Variants in USH2A observed in about 807,000 individuals in gnomAD.
The protein encoded by USH2A is usherin, also known as Usher syndrome 2A (autosomal recessive, mild).
USH2A carries 443 observed loss-of-function variants against 538.9 expected under a neutral mutation model. That is an observed-to-expected ratio of 0.82 (90% confidence interval 0.76 to 0.89). The LOEUF is 0.89. Ranked by LOEUF, USH2A falls within the 40% of genes least tolerant of loss-of-function variation. USH2A has a pLI of 0.00. For synonymous variants in USH2A, 2,413 were observed against 2,273.5 expected (o/e 1.06, Z -1.75); for missense variants, 6,633 against 6,324.8 (o/e 1.05, Z -1.65).
At position 216,422,073 on chromosome 1, in the gene USH2A, G is replaced by A. The variant is rs368798834; in HGVS notation, c.264C>T (p.Cys88=). Residue 88 remains cysteine, a synonymous_variant, in exon 2 of 72, where the codon TGC becomes TGT. Transcript: ENST00000307340. The part of the protein sequence containing the change: ...FCTQRFCIQD[C]PYRSSHPTYT... ...AGGTAGGGTGTGAAGATCTGTATGGGCAATCCTGAATACAAAACCGCTGGG... is the reference window on the plus strand; with the variant it reads ...AGGTAGGGTGTGAAGATCTGTATGGACAATCCTGAATACAAAACCGCTGGG... 4.3e-6 allele frequency: 7 copies of A among 1,613,638 alleles called. No homozygotes were observed. The highest frequency in any genetic ancestry group is 5.9e-6 in the Non-Finnish European group (7 of 1,179,880).
intron 3 of USH2A, among the ~76,000 whole-genome samples, chr1:216,398,485 C>A (rs1489490336): frequency 6.6e-6 from 1 of 152,010 alleles, no homozygotes; most frequent in African/African-American, 2.4e-5. Context: ...ACCTTTTTAG[C>A]AAAAAGTACC....
chr1:216,386,342 A>C (rs2039003945), intron 3 of USH2A, among the ~76,000 whole-genome samples: 1 of 151,228 alleles, frequency 6.6e-6, no homozygotes, highest in African/African-American at 2.4e-5. Flanking sequence ...CTAAAAATAC[A>C]AAAAATTTGC....
intron 44 of USH2A, 113 bp from the exon 45 acceptor site, chr1:215,846,146 G>T: frequency 9.8e-7 from 1 of 1,016,230 alleles, no homozygotes; most frequent in Non-Finnish European, 1.5e-6. Context: ...GAGAGCCTTT[G>T]TTTTGGAAAT....
chr1:216,051,582 T>A (rs894489105), intron 30 of USH2A, among the ~76,000 whole-genome samples: 1 of 152,214 alleles, frequency 6.6e-6, no homozygotes, highest in African/African-American at 2.4e-5. Flanking sequence ...AGACTTTTAA[T>A]CCTAATGTCA....
At chr1:216,416,109 T>C (rs561962574) in intron 3 of USH2A, among the ~76,000 whole-genome samples, 9 of 152,110 alleles carry the variant, frequency 5.9e-5, no homozygotes, top group Admixed American at 2.6e-4. Flanking sequence ...GAGGTTGCAG[T>C]GAGCCAAGAT....
intron 21 of USH2A, among the ~76,000 whole-genome samples, chr1:216,169,255 A>G (rs1026829974): frequency 7.9e-5 from 12 of 152,172 alleles, no homozygotes; most frequent in African/African-American, 2.9e-4. Context: ...GCTTTAAGTT[A>G]ACTAAAATAC....
chr1:215,938,586 C>T (rs865804387), intron 37 of USH2A, among the ~76,000 whole-genome samples: 2 of 152,104 alleles, frequency 1.3e-5, no homozygotes, highest in African/African-American at 2.4e-5. Flanking sequence ...TGTGTCCTAT[C>T]GCAGGCGACC....
chr1:215,694,751 A>G (rs1051441941), intron 61 of USH2A, among the ~76,000 whole-genome samples: 2 of 152,142 alleles, frequency 1.3e-5, no homozygotes, highest in South Asian at 2.1e-4. Flanking sequence ...TCCTAATAAC[A>G]TCACATTGAG....
At position 215,891,202 on chromosome 1, in the gene USH2A, G is replaced by C. The variant is rs192873665; in HGVS notation, c.7595-2148C>G. 6.4e-4 allele frequency among the ~76,000 whole-genome samples: 98 copies of C among 152,174 alleles called. 1 individual carries two copies. Among genetic ancestry groups the C allele is most frequent in the African/African-American group, 2.2e-3 (93 of 41,522 alleles). On this transcript the variant is annotated intron_variant, in intron 40 of 71. Transcript: ENST00000307340. Reference sequence around the variant, plus strand: ...TTTCTTAAAGATGATCTCTTATCTTGGGAAAGGAGAGGTGTTCAATTTCAA... The same window carrying C: ...TTTCTTAAAGATGATCTCTTATCTTCGGAAAGGAGAGGTGTTCAATTTCAA...
chr1:216,323,572 T>G lies in USH2A; in HGVS notation c.1452A>C (p.Gln484His), dbSNP rs2037661383. ...ACTGCCCATGAAAATGAAACCTTATTTGCGTGGCTTTTACGAACTCTTGAA... is the reference window on the plus strand; with the variant it reads ...ACTGCCCATGAAAATGAAACCTTATGTGCGTGGCTTTTACGAACTCTTGAA... ...PSLQEFVKAT[Q>H]IRFHFHGQYY... The change falls in exon 8 of 72, where the codon CAA becomes CAC. Residue 484 changes from glutamine to histidine, a missense_variant. Gln to His is a conservative substitution (Grantham distance 24, BLOSUM62 0). Coordinates refer to ENST00000307340, the MANE Select transcript of USH2A (RefSeq NM_206933.4). 1 of 1,613,492 alleles carries G rather than the reference T, an allele frequency of 6.2e-7. No homozygotes were observed. Among genetic ancestry groups the G allele is most frequent in the South Asian group, 1.1e-5 (1 of 91,074 alleles).
intron 32 of USH2A, among the ~76,000 whole-genome samples, chr1:216,030,045 G>A (rs11120723): frequency 0.015 from 790 of 53,636 alleles, 1 homozygote; most frequent in East Asian, 0.14. Flanking sequence ...ATAATATATG[G>A]TATATATGAT....
Position 216,293,901 on chromosome 1 carries a change from T to C in USH2A, c.1645-1531A>G, listed in dbSNP as rs561226125. ...CAGAGCCAGCAGCAATGTTTGTTTA[T>C]GTAATTACTCACAGTAATATTCAAT... On this transcript the variant is annotated intron_variant, in intron 9 of 71. Coordinates refer to ENST00000307340, the MANE Select transcript of USH2A (RefSeq NM_206933.4). Among the ~76,000 whole-genome samples, 131 of 152,348 alleles carry C rather than the reference T, an allele frequency of 8.6e-4. 3 individuals carry two copies. The highest frequency in any genetic ancestry group is 2.9e-3 in the African/African-American group (120 of 41,586).
chr1:216,005,128 C>A (rs983089592), intron 32 of USH2A, among the ~76,000 whole-genome samples: 7 of 152,120 alleles, frequency 4.6e-5, no homozygotes, highest in Non-Finnish European at 1.5e-5. Flanking sequence ...ATACACTAGA[C>A]TAGACATTAT....
chr1:215,625,843 C>T lies in USH2A; in HGVS notation c.15547G>A (p.Ala5183Thr), dbSNP rs267598369. The T allele has an allele frequency of 2.9e-5, 47 of 1,613,904 alleles. No homozygotes were observed. Among genetic ancestry groups the T allele is most frequent in the East Asian group, 2.2e-4 (10 of 44,884 alleles). The stretch of plus-strand genomic sequence containing the variant: ...GTCACTGAGCTGAAATCCTTGATGG[C>T]GTTCATCAGGTCCTCTTCATCCACA... ...LYVDEEDLMN[A>T]IKDFSSVTKE... Residue 5183 changes from alanine to threonine, a missense_variant, in exon 72 of 72, where the codon GCC (alanine) becomes ACC (threonine). By Grantham distance (58) the Ala-to-Thr change is moderately conservative. Transcript: ENST00000307340.
At chr1:215,667,278 C>A (rs1257877925) in intron 64 of USH2A, among the ~76,000 whole-genome samples, 1 of 152,096 alleles carries the variant, frequency 6.6e-6, no homozygotes, top group Non-Finnish European at 1.5e-5. Flanking sequence ...TTTTGCTCAC[C>A]TTCAAAGGAG....
intron 37 of USH2A, among the ~76,000 whole-genome samples, chr1:215,938,208 C>G (rs1040047432): frequency 6.6e-6 from 1 of 152,080 alleles, no homozygotes; most frequent in Non-Finnish European, 1.5e-5. Flanking sequence ...CTGAGTGAGT[C>G]TAATGTTCTC....
chr1:215,822,073 CT>C (rs924307096), intron 47 of USH2A, among the ~76,000 whole-genome samples: 2 of 151,192 alleles, frequency 1.3e-5, no homozygotes, highest in African/African-American at 2.4e-5. Flanking sequence ...CCAGCTTTGT[CT>C]TTTTTTTACT....
rs555862115 is a variant in USH2A, at chr1:215,896,304, G to T, written c.7594+3771C>A. ...AATCTAAAGTGAATTCAAGTTTGGG[G>T]TTTTTTTTTTTGAGGGTAGGGAAGT... On this transcript the variant is annotated intron_variant, in intron 40 of 71. Transcript: ENST00000307340. 1.9e-3 allele frequency among the ~76,000 whole-genome samples: 279 copies of T among 144,846 alleles called. 2 individuals carry two copies. The highest frequency in any genetic ancestry group is 4.8e-3 in the African/African-American group (189 of 39,714).
chr1:216,155,313 G>T (rs1224312597), intron 21 of USH2A, among the ~76,000 whole-genome samples: 2 of 152,146 alleles, frequency 1.3e-5, no homozygotes, highest in South Asian at 2.1e-4. Flanking sequence ...TAAAATGTAG[G>T]TGTAATTTTT....
Sources: allele counts gnomAD v4.1 joint callset (sites outside exome capture counted in the v4.1 genomes callset), GRCh38; gene constraint gnomAD v4.1.1; transcripts MANE v1.5; gene names NCBI Gene and HGNC (gene_info 2026-07-23, HGNC 2026-07-21).